The following PDGFD variants were observed in gnomAD, a reference collection of about 807,000 sequenced individuals.
The protein encoded by PDGFD is platelet-derived growth factor D.
In PDGFD, 30 loss-of-function variants were observed where a neutral mutation model predicts 44.7. The observed-to-expected ratio is 0.67, with a 90% CI of 0.50 to 0.91. The LOEUF (loss-of-function observed/expected upper bound fraction) is 0.91. Ranked by LOEUF, PDGFD falls within the 40% of genes least tolerant of loss-of-function variation. The pLI is 0.00. For missense variants in PDGFD, 445 were observed against 457.8 expected (o/e 0.97, Z 0.25); for synonymous variants, 173 against 168.4 (o/e 1.03, Z -0.21).
intron 1 of PDGFD, chr11:104,037,851 T>C: frequency 6.2e-7 from 1 of 1,614,190 alleles, no homozygotes; most frequent in Non-Finnish European, 8.5e-7. Context: ...GTTCCATCGA[T>C]TTGAAGAAAA....
chr11:104,021,006 T>C (rs1231135671), intron 1 of PDGFD, among the ~76,000 whole-genome samples: 2 of 152,174 alleles, frequency 1.3e-5, no homozygotes, highest in South Asian at 2.1e-4. Flanking sequence ...GCTTCCTTCA[T>C]TGACAATTTC....
intron 1 of PDGFD, among the ~76,000 whole-genome samples, chr11:104,123,824 T>C (rs1861809335): frequency 1.3e-5 from 2 of 152,070 alleles, no homozygotes; most frequent in Non-Finnish European, 2.9e-5. Context: ...TGTTTTAGTA[T>C]CTGTTGTAGT....
chr11:104,091,918 A>G lies in PDGFD; in HGVS notation c.124+71886T>C, dbSNP rs148200283. On this transcript the variant is annotated intron_variant, in intron 1 of 6. Coordinates refer to ENST00000393158, the MANE Select transcript of PDGFD (RefSeq NM_025208.5). ...AAACAAATCTGGCTGGCAATAAAGG[A>G]GAAGCTGACATTATATAAACACCCC... Among the ~76,000 whole-genome samples, 1,042 of 152,270 alleles carry G rather than the reference A, an allele frequency of 6.8e-3. 11 individuals are homozygous for G. The highest frequency in any genetic ancestry group is 0.024 in the African/African-American group (1,002 of 41,558).
intron 1 of PDGFD, among the ~76,000 whole-genome samples, chr11:104,108,787 A>T (rs907080678): frequency 1.3e-5 from 2 of 152,150 alleles, no homozygotes; most frequent in African/African-American, 4.8e-5. Flanking sequence ...AACAGCAAAG[A>T]CTTGGAACCA....
chr11:104,045,719 C>T (rs1484839936), intron 1 of PDGFD, among the ~76,000 whole-genome samples: 2 of 144,048 alleles, frequency 1.4e-5, no homozygotes, highest in Non-Finnish European at 1.5e-5. Flanking sequence ...TCAGAAGAAA[C>T]ACAAATAATG....
rs146502803 is a variant in PDGFD, at chr11:104,031,992, G to A, written c.125-31737C>T. On this transcript the variant is annotated intron_variant, in intron 1 of 6. Coordinates refer to ENST00000393158, the MANE Select transcript of PDGFD (RefSeq NM_025208.5). ...GAAACAACACTCACTGGGGTCTGTC[G>A]GGAGAGGGCAAGGGCAGGGGAGAGC... Among the ~76,000 whole-genome samples, 527 of 152,208 alleles carry A rather than the reference G, an allele frequency of 3.5e-3. 3 individuals carry two copies. The highest frequency in any genetic ancestry group is 0.012 in the African/African-American group (478 of 41,540).
At chr11:103,912,651 G>T (rs143182482) in intron 6 of PDGFD, among the ~76,000 whole-genome samples, 2 of 152,194 alleles carry the variant, frequency 1.3e-5, no homozygotes, top group African/African-American at 4.8e-5. Context: ...AATGTAAATG[G>T]GCTAAATTCC....
chr11:104,151,537 G>C (rs917869445), intron 1 of PDGFD, among the ~76,000 whole-genome samples: 2 of 152,058 alleles, frequency 1.3e-5, no homozygotes, highest in African/African-American at 4.8e-5. Context: ...CAAAGAGAGA[G>C]GGAAAATAAT....
At chr11:104,060,813 T>C (rs1166268862) in intron 1 of PDGFD, among the ~76,000 whole-genome samples, 1 of 152,240 alleles carries the variant, frequency 6.6e-6, no homozygotes, top group Non-Finnish European at 1.5e-5. Flanking sequence ...AATGTTTTTG[T>C]ATAGTTCACT....
intron 1 of PDGFD, among the ~76,000 whole-genome samples, chr11:104,121,836 C>T (rs1861782464): frequency 6.6e-6 from 1 of 151,928 alleles, no homozygotes; most frequent in Admixed American, 6.6e-5. Context: ...CAAATATGTA[C>T]CAAATATTAA....
At chr11:104,036,525 T>G in intron 1 of PDGFD, 1 of 420,548 alleles carries the variant, frequency 2.4e-6, no homozygotes. Flanking sequence ...CCTGACAGCT[T>G]TGAGCCATCG....
intron 1 of PDGFD, among the ~76,000 whole-genome samples, chr11:104,059,971 AG>A (rs1565323607): frequency 6.6e-6 from 1 of 152,208 alleles, no homozygotes; most frequent in Non-Finnish European, 1.5e-5. Flanking sequence ...AGCTTCTGCA[AG>A]GGATTGGCCT....
chr11:104,087,454 G>A (rs1861148623), intron 1 of PDGFD, among the ~76,000 whole-genome samples: 1 of 151,938 alleles, frequency 6.6e-6, no homozygotes, highest in Non-Finnish European at 1.5e-5. Flanking sequence ...TGATCCACCC[G>A]CCTCAGTCTC....
At chr11:103,956,592 G>A (rs1858854567) in intron 3 of PDGFD, among the ~76,000 whole-genome samples, 4 of 151,778 alleles carry the variant, frequency 2.6e-5, no homozygotes, top group Admixed American at 2.6e-4. Context: ...TGGGATGGCT[G>A]GGTCAAATGG....
At chr11:104,044,396 T>G (rs145134492) in intron 1 of PDGFD, among the ~76,000 whole-genome samples, 140 of 152,208 alleles carry the variant, frequency 9.2e-4, no homozygotes, top group African/African-American at 3.3e-3. Context: ...ATAACATACA[T>G]GAATAAATGG....
intron 3 of PDGFD, among the ~76,000 whole-genome samples, chr11:103,992,623 C>T (rs970561305): frequency 2.6e-5 from 4 of 152,086 alleles, no homozygotes; most frequent in Admixed American, 6.6e-5. Context: ...GCTGCCATGC[C>T]CTGGGTGGGC....
chr11:103,971,794 G>A (rs967671900), intron 3 of PDGFD, among the ~76,000 whole-genome samples: 3 of 152,218 alleles, frequency 2.0e-5, no homozygotes, highest in South Asian at 2.1e-4. Flanking sequence ...TTATATCAGC[G>A]AAGAACACTT....
chr11:103,952,703 T>C (rs1410903607), intron 3 of PDGFD, among the ~76,000 whole-genome samples: 1 of 151,994 alleles, frequency 6.6e-6, no homozygotes, highest in African/African-American at 2.4e-5. Flanking sequence ...CCAAATAATG[T>C]TATATATCAT....
chr11:104,021,879 G>A (rs1012596966), intron 1 of PDGFD, among the ~76,000 whole-genome samples: 2 of 152,086 alleles, frequency 1.3e-5, no homozygotes, highest in African/African-American at 2.4e-5. Flanking sequence ...TTGGGTACAG[G>A]CATAGAGGAA....
Sources: allele counts gnomAD v4.1 joint callset (sites outside exome capture counted in the v4.1 genomes callset), GRCh38; gene constraint gnomAD v4.1.1; transcripts MANE v1.5; gene names NCBI Gene and HGNC (gene_info 2026-07-23, HGNC 2026-07-21).